The following APLP2 variants were observed in gnomAD, a reference collection of about 807,000 sequenced individuals.
The protein encoded by APLP2 is CDEI box-binding protein.
Under a neutral mutation model 89.9 loss-of-function variants are expected in APLP2, and 53 were observed. The observed-to-expected ratio is 0.59, with a 90% CI of 0.47 to 0.74. The LOEUF is 0.74. Among genes scored for constraint, APLP2 ranks in the 30% least tolerant of loss-of-function variants. The pLI is 0.00. For synonymous variants in APLP2, 372 were observed against 348.6 expected (o/e 1.07, Z -0.75); for missense variants, 973 against 975.9 (o/e 1.00, Z 0.04).
intron 8 of APLP2, 142 bp from the exon 9 acceptor site, chr11:130,127,624 T>G: frequency 1.5e-6 from 1 of 683,936 alleles, no homozygotes; most frequent in South Asian, 1.9e-5. Flanking sequence ...GCAGTAACAA[T>G]GCTAAGCTCC....
chr11:130,109,824 C>T (rs762574095), intron 2 of APLP2: 6 of 446,654 alleles, frequency 1.3e-5, no homozygotes, highest in Non-Finnish European at 2.3e-5. Flanking sequence ...GGAAGGGATA[C>T]TGCAGAAGCC....
intron 3 of APLP2, among the ~76,000 whole-genome samples, 158 bp downstream of exon 3, chr11:130,110,819 G>A (rs759148690): frequency 3.3e-5 from 5 of 152,074 alleles, no homozygotes; most frequent in Non-Finnish European, 5.9e-5. Flanking sequence ...TGCTGGCTTC[G>A]AGTGTCAGTG....
At chr11:130,130,910 A>G (rs958933555) in intron 11 of APLP2, among the ~76,000 whole-genome samples, 4 of 152,174 alleles carry the variant, frequency 2.6e-5, no homozygotes, top group Admixed American at 2.6e-4. Flanking sequence ...ATGAAAAGGT[A>G]ATGTGCCTAA....
chr11:130,100,272 G>A (rs933062863), intron 1 of APLP2: 2 of 152,130 alleles, frequency 1.3e-5, no homozygotes, highest in African/African-American at 4.8e-5. Flanking sequence ...CAGGTCAGTA[G>A]TACAGTGAGT....
At chr11:130,133,255 C>T (rs112228016) in intron 11 of APLP2, among the ~76,000 whole-genome samples, 10 of 151,986 alleles carry the variant, frequency 6.6e-5, no homozygotes, top group East Asian at 1.9e-4. Flanking sequence ...CCCAGGTAGC[C>T]GTGACTGCAG....
chr11:130,111,473 G>A (rs994842562), intron 3 of APLP2, among the ~76,000 whole-genome samples: 1 of 152,188 alleles, frequency 6.6e-6, no homozygotes, highest in Non-Finnish European at 1.5e-5. Context: ...GTAGCTATAT[G>A]TAATTGGAAC....
intron 3 of APLP2, among the ~76,000 whole-genome samples, chr11:130,119,598 C>A (rs1193790706): frequency 6.6e-6 from 1 of 152,192 alleles, no homozygotes; most frequent in Non-Finnish European, 1.5e-5. Flanking sequence ...TGTAAATAAA[C>A]AGCTATGTGT....
rs575179219 is a variant in APLP2, at chr11:130,126,707, A to G, written c.1098A>G (p.Pro366=). 1 of 1,613,966 alleles carries G rather than the reference A, an allele frequency of 6.2e-7. No homozygotes were observed. Among genetic ancestry groups the G allele is most frequent in the South Asian group, 1.1e-5 (1 of 91,082 alleles). Residue 366 remains proline, a synonymous_variant, in exon 8 of 17, where the codon CCA becomes CCG. Transcript: ENST00000338167. ...CMAVCKAMIP[P]TPLPTNDVDV... is the part of the protein sequence containing the mutation. ...TCTGTAATTTTGTTTCAGTTCCTCCAACTCCTCTGCCAACCAATGATGTTG... is the reference window on the plus strand; with the variant it reads ...TCTGTAATTTTGTTTCAGTTCCTCCGACTCCTCTGCCAACCAATGATGTTG...
intron 10 of APLP2, among the ~76,000 whole-genome samples, 173 bp downstream of exon 10, chr11:130,129,379 C>G (rs1393653625): frequency 6.6e-6 from 1 of 152,196 alleles, no homozygotes; most frequent in Non-Finnish European, 1.5e-5. Context: ...TGTATATAAG[C>G]TAAGCATGAC....
At chr11:130,070,297 A>G (rs994971040) in intron 1 of APLP2, among the ~76,000 whole-genome samples, 4 of 151,128 alleles carry the variant, frequency 2.6e-5, no homozygotes, top group African/African-American at 2.4e-5. Context: ...GCAGAGGCCA[A>G]ATGAAAGGCG....
chr11:130,102,957 A>G (rs900928572), intron 1 of APLP2, among the ~76,000 whole-genome samples: 2 of 152,230 alleles, frequency 1.3e-5, no homozygotes, highest in African/African-American at 4.8e-5. Context: ...GTGCTGCAGT[A>G]TGCATAGATC....
In APLP2 at chr11:130,121,739, A is replaced by AGAAGAGGAAGAG; in HGVS notation, c.648_659dup (p.Glu216_Glu219dup). On this transcript the variant is annotated inframe_insertion, in exon 5 of 17. Coordinates refer to ENST00000338167, the MANE Select transcript of APLP2 (RefSeq NM_001142276.2). ...CAAAGATTATTGGATCTGTGTCAAA[A>AGAAGAGGAAGAG]GAAGAGGAAGAGGAAGATGAAGAGG... 6.2e-7 allele frequency: 1 copy of AGAAGAGGAAGAG among 1,613,216 alleles called. No individual in the cohort carries two copies. The highest frequency in any genetic ancestry group is 8.5e-7 in the Non-Finnish European group (1 of 1,179,908).
intron 1 of APLP2, among the ~76,000 whole-genome samples, chr11:130,082,038 A>G (rs1943234870): frequency 6.6e-6 from 1 of 152,258 alleles, no homozygotes. Flanking sequence ...ATAACACCAT[A>G]GCTGAAGGCA....
chr11:130,086,469 T>G lies in APLP2; in HGVS notation c.105+16387T>G, dbSNP rs1245337058. On this transcript the variant is annotated intron_variant, in intron 1 of 16. Transcript: ENST00000338167. Reference sequence around the variant, plus strand: ...AGATATTTTCTGTCATTCTGCAGTTTGTGTTTTCACTCTCAATAGTGTCCT... The same window carrying G: ...AGATATTTTCTGTCATTCTGCAGTTGGTGTTTTCACTCTCAATAGTGTCCT... Among the ~76,000 whole-genome samples the G allele has an allele frequency of 5.3e-4, 81 of 152,250 alleles. 1 individual carries two copies.
chr11:130,122,811 C>T lies in APLP2; in HGVS notation c.922+298C>T, dbSNP rs562392437. On this transcript the variant is annotated intron_variant, in intron 6 of 16. Coordinates refer to ENST00000338167, the MANE Select transcript of APLP2 (RefSeq NM_001142276.2). ...TTCCACATTCATCCTAAAATGTTCC[C>T]TCCCCAAGGGGAGCTCCCCTCTTCG... 2.6e-5 allele frequency among the ~76,000 whole-genome samples: 4 copies of T among 152,334 alleles called. No individual in the cohort carries two copies. In the South Asian group the frequency reaches 8.3e-4, roughly 32 times the overall value.
chr11:130,112,445 G>A (rs1389755126), intron 3 of APLP2, among the ~76,000 whole-genome samples: 2 of 152,166 alleles, frequency 1.3e-5, no homozygotes, highest in East Asian at 1.9e-4. Flanking sequence ...ACAGGACACA[G>A]TACTTATTAA....
chr11:130,098,850 C>T (rs1239673870), intron 1 of APLP2, among the ~76,000 whole-genome samples: 1 of 152,020 alleles, frequency 6.6e-6, no homozygotes, highest in African/African-American at 2.4e-5. Flanking sequence ...TACAGAAAAC[C>T]CTTCATCATT....
At chr11:130,112,329 A>G (rs996757455) in intron 3 of APLP2, among the ~76,000 whole-genome samples, 7 of 152,206 alleles carry the variant, frequency 4.6e-5, no homozygotes, top group Admixed American at 4.6e-4. Flanking sequence ...TTCCTGTGAT[A>G]AAAAGCAAGT....
chr11:130,092,706 A>AGAGAGAGGGAGAGGGAGATG (rs1304737799), intron 1 of APLP2, among the ~76,000 whole-genome samples: 1 of 30,632 alleles, frequency 3.3e-5, no homozygotes, highest in Non-Finnish European at 7.1e-5. Context: ...CCGTGGGGGG[A>AGAGAGAGGGAGAGGGAGATG]GGGAGGGGGA....
Sources: gnomAD v4.1 joint callset for allele counts (sites outside exome capture counted in the v4.1 genomes callset) on GRCh38, gnomAD v4.1.1 for gene constraint, MANE v1.5 for transcripts, NCBI Gene and HGNC (gene_info 2026-07-23, HGNC 2026-07-21) for gene names.